The following STAG2 variants were observed in gnomAD, a reference collection of about 807,000 sequenced individuals.
STAG2 encodes STAG2 cohesin complex component, also known as cohesin subunit SA-2.
In STAG2, 14 loss-of-function variants were observed where a neutral mutation model predicts 108.1. The observed-to-expected ratio is 0.13, with a 90% confidence interval of 0.09 to 0.20. The LOEUF is 0.20. STAG2 is among the 10% of genes least tolerant of loss of function. The pLI, the probability that STAG2 is intolerant of heterozygous loss-of-function variation, is 1.00. For missense variants in STAG2, 440 were observed against 940.9 expected (o/e 0.47, Z 6.96); for synonymous variants, 307 against 302.7 (o/e 1.01, Z -0.15).
At chrX:123,982,814 G>A (rs1236616751) in intron 1 of STAG2, among the ~76,000 whole-genome samples, 1 of 65,531 alleles carries the variant, frequency 1.5e-5, no homozygotes, top group Non-Finnish European at 2.7e-5. Context: ...TACTTTCCTT[G>A]TACATTTGTC....
chrX:124,041,043 G>A (rs1432286700), intron 6 of STAG2, among the ~76,000 whole-genome samples: 1 of 106,995 alleles, frequency 9.3e-6, no homozygotes, highest in African/African-American at 3.4e-5. Flanking sequence ...TAGTGACGGG[G>A]TTTCACCATA....
intron 32 of STAG2, among the ~76,000 whole-genome samples, chrX:124,092,556 C>G (rs938908553): frequency 8.9e-6 from 1 of 111,760 alleles, no homozygotes; most frequent in Non-Finnish European, 1.9e-5. Context: ...GTTAACTCCC[C>G]CGCCTCCCGG....
At chrX:124,000,256 C>T (rs1236565681) in intron 1 of STAG2, among the ~76,000 whole-genome samples, 2 of 111,560 alleles carry the variant, frequency 1.8e-5, no homozygotes, top group African/African-American at 6.5e-5. Flanking sequence ...TTAACCTGCC[C>T]TGCCAGTTGT....
At chrX:124,055,831 C>G (rs1379459123) in intron 13 of STAG2, among the ~76,000 whole-genome samples, 1 of 111,950 alleles carries the variant, frequency 8.9e-6, no homozygotes. Context: ...TGCCCCTTTA[C>G]TTTCTATATG....
Position 124,063,933 on chromosome X carries a change from A to G in STAG2, c.1907A>G (p.Tyr636Cys). Residue 636 changes from tyrosine (Y) to cysteine (C), a missense_variant, in exon 20 of 35, where the codon TAC (tyrosine) becomes TGC (cysteine). Tyr to Cys is a radical substitution (Grantham distance 194, BLOSUM62 -2). Coordinates refer to ENST00000371145, the MANE Select transcript of STAG2 (RefSeq NM_001042750.2). ...TDVLEACSKT[Y>C]HALCNEEFTI... The stretch of plus-strand genomic sequence containing the variant: ...GTTTTGGAAGCATGTTCTAAAACTT[A>G]CCATGCACTCTGTAATGAAGAGTTC... 1.7e-6 allele frequency: 2 copies of G among 1,208,299 alleles called. No homozygotes were observed. The highest frequency in any genetic ancestry group is 2.2e-6 in the Non-Finnish European group (2 of 892,129).
rs1602969126 is a variant in STAG2, at chrX:124,035,862, G to A, written c.289-1665G>A. 2.7e-5 allele frequency among the ~76,000 whole-genome samples: 3 copies of A among 111,898 alleles called. No homozygotes were observed. The Admixed American group carries it at 2.9e-4, about 11-fold the overall frequency. On this transcript the variant is annotated intron_variant, in intron 5 of 34. Transcript: ENST00000371145. ...AAGAGACCAGTGCAGTTGCTGCCTG[G>A]CATTCTGTGACCTAATTTTGGAAGC...
intron 13 of STAG2, among the ~76,000 whole-genome samples, chrX:124,053,432 TGTAAATA>T (rs777304661): frequency 1.5e-4 from 17 of 110,378 alleles, no homozygotes; most frequent in Non-Finnish European, 2.5e-4. Flanking sequence ...TTTACCACAA[TGTAAATA>T]GTAAAGGCAA....
intron 23 of STAG2, among the ~76,000 whole-genome samples, chrX:124,066,745 T>G (rs2058540949): frequency 8.9e-6 from 1 of 111,942 alleles, no homozygotes; most frequent in South Asian, 3.7e-4. Flanking sequence ...TTGAAGATAA[T>G]AAACCAACTC....
At chrX:123,986,302 C>T (rs949298917) in intron 1 of STAG2, among the ~76,000 whole-genome samples, 37 of 109,039 alleles carry the variant, frequency 3.4e-4, no homozygotes, top group African/African-American at 1.1e-3. Flanking sequence ...GTTAGGATTC[C>T]AACCCAGGTC....
intron 1 of STAG2, among the ~76,000 whole-genome samples, chrX:123,991,968 A>G (rs1234616751): frequency 8.8e-6 from 1 of 113,145 alleles, no homozygotes; most frequent in Non-Finnish European, 1.9e-5. Context: ...CCTGGCCACA[A>G]CAACTATTTT....
intron 1 of STAG2, among the ~76,000 whole-genome samples, chrX:124,005,604 A>G (rs2056249948): frequency 8.9e-6 from 1 of 111,901 alleles, no homozygotes; most frequent in Non-Finnish European, 1.9e-5. Flanking sequence ...TTGTTTTTGC[A>G]TTTAGCATAG....
At position 124,068,667 on chromosome X, in the gene STAG2, A is replaced by ACCAT; in HGVS notation, c.2358+12_2358+13insCATC. 1 of 1,090,602 alleles carries ACCAT rather than the reference A, an allele frequency of 9.2e-7. No individual in the cohort carries two copies. The highest frequency in any genetic ancestry group is 1.2e-6 in the Non-Finnish European group (1 of 808,439). The allele number at this position is 1,090,602 out of a possible 1,213,427, so 89.9% of individuals were successfully genotyped here. A position where few individuals can be genotyped will look rare whatever the true frequency, so the allele number is the denominator to read the frequency against. ...ACTGTTAAGGAACAGGTTAGTAATT[A>ACCAT]CTATAGATGGTAATCTTTTTGTAAG... On this transcript the variant is annotated intron_variant, in intron 24 of 34. Coordinates refer to ENST00000371145, the MANE Select transcript of STAG2 (RefSeq NM_001042750.2).
At chrX:124,028,999 A>T (rs1253747606) in intron 4 of STAG2, among the ~76,000 whole-genome samples, 1 of 97,755 alleles carries the variant, frequency 1.0e-5, no homozygotes, top group South Asian at 4.6e-4. Flanking sequence ...ATATATATAT[A>T]TATATATATA....
chrX:124,078,086 TA>T (rs1269711177), intron 27 of STAG2, 28 bp downstream of exon 27: 14 of 1,009,887 alleles, frequency 1.4e-5, no homozygotes, highest in Non-Finnish European at 1.9e-5. Context: ...CAACTTTAGC[TA>T]ACACAATTAA....
At chrX:124,022,834 A>G (rs2056975838) in intron 3 of STAG2, among the ~76,000 whole-genome samples, 163 bp downstream of exon 3, 1 of 112,369 alleles carries the variant, frequency 8.9e-6, no homozygotes, top group Admixed American at 9.5e-5. Flanking sequence ...AGGCTCTGTA[A>G]TAATAATTAT....
At chrX:124,026,987 A>T (rs1260494904) in intron 4 of STAG2, among the ~76,000 whole-genome samples, 1 of 111,644 alleles carries the variant, frequency 9.0e-6, no homozygotes, top group Non-Finnish European at 1.9e-5. Flanking sequence ...ACAGCCTCAA[A>T]CTCTTGGGCT....
intron 29 of STAG2, among the ~76,000 whole-genome samples, chrX:124,084,658 A>G (rs1030855430): frequency 1.8e-5 from 2 of 112,192 alleles, no homozygotes; most frequent in Non-Finnish European, 3.8e-5. Flanking sequence ...ACACAGGTCT[A>G]TGTTCAGTTA....
At chrX:124,017,319 C>A (rs2056764742) in intron 1 of STAG2, among the ~76,000 whole-genome samples, 1 of 110,121 alleles carries the variant, frequency 9.1e-6, no homozygotes, top group South Asian at 3.9e-4. Context: ...AAGCGATTCT[C>A]CTGCCTCAGC....
chrX:123,974,796 C>T (rs1338256833), intron 1 of STAG2, among the ~76,000 whole-genome samples: 8 of 106,277 alleles, frequency 7.5e-5, no homozygotes, highest in African/African-American at 2.8e-4. Flanking sequence ...TGAGGCTGGT[C>T]TCGAACTCCT....
Sources: allele counts gnomAD v4.1 joint callset (sites outside exome capture counted in the v4.1 genomes callset), GRCh38; gene constraint gnomAD v4.1.1; transcripts MANE v1.5; gene names NCBI Gene and HGNC (gene_info 2026-07-23, HGNC 2026-07-21).